The following EIF5B variants were observed in gnomAD, a reference collection of about 807,000 sequenced individuals.
The protein encoded by EIF5B is eIF-5B.
Under a neutral mutation model 147.5 loss-of-function variants are expected in EIF5B, and 47 were observed. The observed-to-expected ratio is 0.32, with a 90% CI of 0.25 to 0.41. The LOEUF is 0.41. Ranked by LOEUF, EIF5B falls within the 10% of genes least tolerant of loss-of-function variation. The probability of loss-of-function intolerance (pLI) is 1.00; values close to 1 mark genes in which losing one functional copy is unlikely to be tolerated. For synonymous variants in EIF5B, 455 were observed against 456.2 expected, an observed-to-expected ratio of 1.00 and a Z score of 0.03; for missense variants, 1,064 against 1,413.2, an observed-to-expected ratio of 0.75 and a Z score of 3.96.
At chr2:99,385,904 A>C (rs547438606) in intron 14 of EIF5B, among the ~76,000 whole-genome samples, 1 of 152,258 alleles carries the variant, frequency 6.6e-6, no homozygotes, top group East Asian at 1.9e-4. Flanking sequence ...AACTCAAGCT[A>C]GTATTGATCT....
intron 22 of EIF5B, 80 bp downstream of exon 22, chr2:99,396,978 G>A (rs781460108): frequency 9.4e-6 from 14 of 1,492,186 alleles, no homozygotes; most frequent in Non-Finnish European, 1.3e-5. Context: ...ACACAGCTTT[G>A]TGCCTGTAGT....
intron 14 of EIF5B, among the ~76,000 whole-genome samples, chr2:99,384,063 G>A (rs1454685587): frequency 6.6e-6 from 1 of 151,460 alleles, no homozygotes; most frequent in African/African-American, 2.4e-5. Flanking sequence ...CGGGCGTAGT[G>A]GCGGGCACCT....
At chr2:99,360,174 A>G (rs879846696) in intron 1 of EIF5B, 62 bp from the exon 2 acceptor site, 4 of 1,536,088 alleles carry the variant, frequency 2.6e-6, no homozygotes, top group South Asian at 1.3e-5. Context: ...GATAAAATCT[A>G]TATAAATGAA....
chr2:99,371,716 A>T lies in EIF5B; in HGVS notation c.1538A>T (p.Glu513Val). Residue 513 changes from glutamate to valine, a missense_variant, in exon 9 of 24, where the codon GAG (glutamate) becomes GTG (valine). Glu to Val is a moderately radical substitution (Grantham distance 121, BLOSUM62 -2). Coordinates refer to ENST00000289371, the MANE Select transcript of EIF5B (RefSeq NM_015904.4). ...LDDWEAMASD[E>V]ETEKVEGNKV... ...GATTGGGAAGCTATGGCCAGTGATG[A>T]GGAGACAGAAAAAGGTGAATACCTC... is the stretch of plus-strand genomic sequence containing the variant. 6.2e-7 allele frequency: 1 copy of T among 1,613,036 alleles called. No homozygotes were observed. Among genetic ancestry groups the T allele is most frequent in the Non-Finnish European group, 8.5e-7 (1 of 1,179,422 alleles).
chr2:99,381,758 A>G (rs1439844144), intron 12 of EIF5B, among the ~76,000 whole-genome samples: 1 of 152,102 alleles, frequency 6.6e-6, no homozygotes, highest in East Asian at 1.9e-4. Flanking sequence ...TTTGGGATAT[A>G]TTTGAAGTCA....
At chr2:99,396,716 A>G in intron 21 of EIF5B, 44 bp from the exon 22 acceptor site, 1 of 1,554,334 alleles carries the variant, frequency 6.4e-7, no homozygotes, top group East Asian at 2.2e-5. Flanking sequence ...TTTTATGTTT[A>G]AGTGATTCTG....
chr2:99,342,006 A>G (rs1411609697), intron 1 of EIF5B, among the ~76,000 whole-genome samples: 2 of 152,202 alleles, frequency 1.3e-5, no homozygotes, highest in African/African-American at 2.4e-5. Context: ...TTGACCCCCT[A>G]AAATAGTTTA....
intron 17 of EIF5B, 110 bp downstream of exon 17, chr2:99,390,815 A>G: frequency 8.6e-7 from 1 of 1,165,454 alleles, no homozygotes; most frequent in Non-Finnish European, 1.2e-6. Flanking sequence ...CAGAACACAT[A>G]CATCCCTCGC....
At chr2:99,393,702 G>A (rs1674984225) in intron 18 of EIF5B, among the ~76,000 whole-genome samples, 1 of 152,100 alleles carries the variant, frequency 6.6e-6, no homozygotes, top group Non-Finnish European at 1.5e-5. Flanking sequence ...GCTATCTTAG[G>A]GCCAGTGAGA....
intron 1 of EIF5B, among the ~76,000 whole-genome samples, chr2:99,348,671 G>A (rs1244873087): frequency 6.6e-6 from 1 of 152,166 alleles, no homozygotes; most frequent in Non-Finnish European, 1.5e-5. Context: ...TTGGCGGAGA[G>A]GGGCAGAAGC....
chr2:99,378,497 C>G (rs12052986), intron 10 of EIF5B, among the ~76,000 whole-genome samples: 68,113 of 151,938 alleles, frequency 0.45, 15,498 homozygotes, highest in Admixed American at 0.58. Flanking sequence ...TTAAGCTGAA[C>G]CTTAAATAAA....
In EIF5B at chr2:99,361,413, G is replaced by T. The variant is rs1674211198; in HGVS notation, c.512G>T (p.Ser171Ile). Residue 171 changes from serine (S) to isoleucine (I), a missense_variant, in exon 4 of 24, where the codon AGT (serine) becomes ATT (isoleucine). This residue lies in a region of EIF5B where 458 missense variants were observed against 451.3 expected (regional missense o/e 1.01). Coordinates refer to ENST00000289371, the MANE Select transcript of EIF5B (RefSeq NM_015904.4). The part of the protein sequence containing the change: ...WDGSEEDEDN[S>I]KKIKERSRIN... ...GGGTCAGAGGAGGATGAGGATAACA[G>T]TAAAAAAATTAAAGAGCGTTCAAGA... is the stretch of plus-strand genomic sequence containing the variant. 1.2e-6 allele frequency: 2 copies of T among 1,613,804 alleles called. No homozygotes were observed. The highest frequency in any genetic ancestry group is 1.7e-6 in the Non-Finnish European group (2 of 1,179,994).
Position 99,337,472 on chromosome 2 carries a change from C to G in EIF5B, c.-83C>G. 1 of 1,546,096 alleles carries G rather than the reference C, an allele frequency of 6.5e-7. No individual in the cohort carries two copies. The highest frequency in any genetic ancestry group is 2.4e-5 in the East Asian group (1 of 41,648). On this transcript the variant is annotated 5_prime_UTR_variant, in exon 1 of 24. Transcript: ENST00000289371. ...GCAGCACGAGGGGAAAAGAGCTGAG[C>G]GGAGACCAAAGTCAGCCGGGAGACA...
At chr2:99,378,962 A>G in intron 10 of EIF5B, 57 bp from the exon 11 acceptor site, 1 of 1,331,222 alleles carries the variant, frequency 7.5e-7, no homozygotes, top group Non-Finnish European at 1.0e-6. Context: ...GAAAATAAGG[A>G]TAGTGAGGAT....
intron 7 of EIF5B, 23 bp from the exon 8 acceptor site, chr2:99,369,369 C>G (rs759588753): frequency 6.3e-7 from 1 of 1,579,652 alleles, no homozygotes; most frequent in Non-Finnish European, 8.6e-7. Flanking sequence ...AAAATATTAT[C>G]TTGGTTTCTG....
Position 99,379,378 on chromosome 2 carries a change from A to T in EIF5B, c.2011A>T (p.Thr671Ser). 6.2e-7 allele frequency: 1 copy of T among 1,613,716 alleles called. No individual in the cohort carries two copies. The highest frequency in any genetic ancestry group is 2.2e-5 in the East Asian group (1 of 44,866). ...AGGITQQIGA[T>S]NVPLEAINEQ... ...TGGTATCACACAACAAATTGGGGCCACCAATGTTCCTCTTGAAGCTATTAA... is the reference window on the plus strand; with the variant it reads ...TGGTATCACACAACAAATTGGGGCCTCCAATGTTCCTCTTGAAGCTATTAA... Residue 671 changes from threonine to serine, a missense_variant, in exon 12 of 24, where the codon ACC becomes TCC. By Grantham distance (58) the Thr-to-Ser change is moderately conservative. This residue lies in a region of EIF5B where 380 missense variants were observed against 715.6 expected (regional missense o/e 0.53). Transcript: ENST00000289371.
At chr2:99,368,768 A>G (rs1403109282) in intron 7 of EIF5B, among the ~76,000 whole-genome samples, 177 bp downstream of exon 7, 2 of 152,196 alleles carry the variant, frequency 1.3e-5, no homozygotes, top group African/African-American at 4.8e-5. Context: ...ATGACAAGCT[A>G]ATGGAAAAAG....
chr2:99,363,555 T>C, intron 4 of EIF5B, 90 bp from the exon 5 acceptor site: 1 of 1,338,906 alleles, frequency 7.5e-7, no homozygotes, highest in Non-Finnish European at 1.0e-6. Flanking sequence ...TGGCCCATTA[T>C]GGTCCTTGAA....
At chr2:99,380,496 C>T (rs939626103) in intron 12 of EIF5B, among the ~76,000 whole-genome samples, 5 of 152,082 alleles carry the variant, frequency 3.3e-5, no homozygotes, top group African/African-American at 1.2e-4. Flanking sequence ...TCTGGTTGTC[C>T]TAGTTTTGGT....
Sources: allele counts gnomAD v4.1 joint callset (sites outside exome capture counted in the v4.1 genomes callset), GRCh38; gene constraint gnomAD v4.1.1; regional missense constraint gnomAD v4.1.1; transcripts MANE v1.5; gene names NCBI Gene and HGNC (gene_info 2026-07-23, HGNC 2026-07-21).